AMHR2: variants seen among roughly 807,000 people sequenced by gnomAD.
AMHR2 encodes anti-Muellerian hormone type-2 receptor.
A neutral mutation model predicts 61.4 loss-of-function variants in AMHR2; 36 were observed. That is an observed-to-expected ratio of 0.59 (90% CI 0.45 to 0.77). The LOEUF is 0.77. Ranked by LOEUF, AMHR2 falls within the 30% of genes least tolerant of loss-of-function variation. AMHR2 has a pLI of 0.00. For missense variants in AMHR2, 638 were observed against 714.6 expected (o/e 0.89, Z 1.22); for synonymous variants, 258 against 279.4 (o/e 0.92, Z 0.76).
rs1939928256 is a variant in AMHR2 at position 53,429,533 on chromosome 12, G to A, written c.1048G>A (p.Gly350Arg). ...TCGGGAAGATGGATCGTGTGCCATT[G>A]GAGACCTGGGCCTTGCCTTGGTGCT... is the stretch of plus-strand genomic sequence containing the variant. ...LIREDGSCAI[G>R]DLGLALVLPG... Residue 350 changes from glycine to arginine, a missense_variant, in exon 8 of 11, where the codon GGA (glycine) becomes AGA (arginine). Coordinates refer to ENST00000257863, the MANE Select transcript of AMHR2 (RefSeq NM_020547.3). 1 of 1,613,310 alleles carries A rather than the reference G, an allele frequency of 6.2e-7. No individual in the cohort carries two copies. Among genetic ancestry groups the A allele is most frequent in the African/African-American group, 1.3e-5 (1 of 74,668 alleles).
Position 53,424,430 on chromosome 12 carries a change from C to G in AMHR2, c.192C>G (p.Ile64Met). The G allele has an allele frequency of 6.2e-7, 1 of 1,613,684 alleles. No individual in the cohort carries two copies. The highest frequency in any genetic ancestry group is 8.5e-7 in the Non-Finnish European group (1 of 1,179,904). The stretch of plus-strand genomic sequence containing the variant: ...TCTACAGCCGCTGCTGCTTTGGGAT[C>G]TGGAACCTGACCCAAGACCGGGCAC... ...RCLYSRCCFGIWNLTQDRAQV... is the reference protein window; with the variant it reads ...RCLYSRCCFGMWNLTQDRAQV... The change falls in exon 2 of 11, where the codon ATC becomes ATG. Residue 64 changes from isoleucine to methionine, a missense_variant. Ile to Met is a conservative substitution (Grantham distance 10, BLOSUM62 1). Transcript: ENST00000257863.
chr12:53,425,332 T>G (rs1939466407), intron 4 of AMHR2, 90 bp downstream of exon 4: 1 of 1,606,186 alleles, frequency 6.2e-7, no homozygotes, highest in African/African-American at 1.3e-5. Context: ...CCCCATGGTC[T>G]TGGGATCTCT....
In AMHR2 at chr12:53,428,950, C is replaced by T. The variant is rs371318635; in HGVS notation, c.907C>T (p.Arg303Trp). Residue 303 changes from arginine to tryptophan, a missense_variant, in exon 7 of 11, where the codon CGG becomes TGG. Arg to Trp is a moderately radical substitution (Grantham distance 101). Coordinates refer to ENST00000257863, the MANE Select transcript of AMHR2 (RefSeq NM_020547.3). ...QYTSDWGSSLRMALSLAQGLA... is the reference protein window; with the variant it reads ...QYTSDWGSSLWMALSLAQGLA... Reference sequence around the variant, plus strand: ...CACCAGTGACTGGGGAAGTTCCCTGCGGATGGCACTGTCCCTGGCCCAGGG... The same window carrying T: ...CACCAGTGACTGGGGAAGTTCCCTGTGGATGGCACTGTCCCTGGCCCAGGG... The T allele has an allele frequency of 3.2e-5, 49 of 1,551,660 alleles. No homozygotes were observed. In the Admixed American group the frequency reaches 4.1e-4, roughly 13 times the overall value.
chr12:53,428,987 T>C lies in AMHR2; in HGVS notation c.944T>C (p.Leu315Pro). 6.4e-7 allele frequency: 1 copy of C among 1,551,386 alleles called. No homozygotes were observed. Among genetic ancestry groups the C allele is most frequent in the Non-Finnish European group, 8.7e-7 (1 of 1,147,002 alleles). ...ALSLAQGLAF[L>P]HEERWQNGQY... ...TCCCTGGCCCAGGGCCTGGCATTTC[T>C]CCATGAGGAGCGCTGGCAGAATGGT... is the stretch of plus-strand genomic sequence containing the variant. Residue 315 changes from leucine (L) to proline (P), a missense_variant, in exon 7 of 11, where the codon CTC becomes CCC. Transcript: ENST00000257863.
In AMHR2 at chr12:53,430,332, C is replaced by G. The variant is rs775862555; in HGVS notation, c.1425+50C>G. On this transcript the variant is annotated intron_variant, in intron 10 of 10. Transcript: ENST00000257863. ...GGGAACCTGGAGAGTGGGGGCTGGG[C>G]ATGGGCTTCAAGGACGTCTCTGCCA... is the stretch of plus-strand genomic sequence containing the variant. 4 of 1,613,672 alleles carry G rather than the reference C, an allele frequency of 2.5e-6. No individual in the cohort carries two copies. In the African/African-American group the frequency reaches 5.3e-5, roughly 22 times the overall value.
Position 53,431,555 on chromosome 12 carries a change from A to G in AMHR2, c.*82A>G. On this transcript the variant is annotated 3_prime_UTR_variant, in exon 11 of 11. Transcript: ENST00000257863. ...GCTGTCTTGTCTGCCTCATCACTGC[A>G]TTTCCCACCTGCCGAATCCTTGGAT... 1.9e-6 allele frequency: 3 copies of G among 1,559,910 alleles called. No individual in the cohort carries two copies. The highest frequency in any genetic ancestry group is 2.2e-5 in the South Asian group (2 of 89,440).
rs1939496428 is a variant in AMHR2 at position 53,425,538 on chromosome 12, G to A, written c.586G>A (p.Glu196Lys). 6.2e-7 allele frequency: 1 copy of A among 1,613,932 alleles called. No individual in the cohort carries two copies. Among genetic ancestry groups the A allele is most frequent in the Non-Finnish European group, 8.5e-7 (1 of 1,180,048 alleles). The change falls in exon 5 of 11, where the codon GAG becomes AAG. Residue 196 changes from glutamate to lysine, a missense_variant. Coordinates refer to ENST00000257863, the MANE Select transcript of AMHR2 (RefSeq NM_020547.3). ...RPDSGRDWSV[E>K]LQELPELCFS... ...AGACTCAGGCAGGGACTGGAGTGTG[G>A]AGCTGCAGGAGCTGCCTGAGCTGTG...
At chr12:53,427,001 A>T (rs1003743400) in intron 6 of AMHR2, among the ~76,000 whole-genome samples, 1 of 151,660 alleles carries the variant, frequency 6.6e-6, no homozygotes, top group Non-Finnish European at 1.5e-5. Flanking sequence ...AAAAAAAAAA[A>T]TTGTTAAAGA....
rs1592611342 is a variant in AMHR2, at chr12:53,431,577, G to C, written c.*104G>C. 2 of 1,468,116 alleles carry C rather than the reference G, an allele frequency of 1.4e-6. No homozygotes were observed. The highest frequency in any genetic ancestry group is 4.6e-5 in the East Asian group (2 of 43,906). 90.9% of individuals were successfully genotyped at this position (1,468,116 alleles called of 1,614,324 possible). A position where few individuals can be genotyped will look rare whatever the true frequency, so the allele number is the denominator to read the frequency against. The stretch of plus-strand genomic sequence containing the variant: ...TGCATTTCCCACCTGCCGAATCCTT[G>C]GATTCTTCTGCGGGCATCCAGTCCA... On this transcript the variant is annotated 3_prime_UTR_variant, in exon 11 of 11. Coordinates refer to ENST00000257863, the MANE Select transcript of AMHR2 (RefSeq NM_020547.3).
chr12:53,424,320 G>C lies in AMHR2; in HGVS notation c.82G>C (p.Glu28Gln), dbSNP rs770462062. ...PPNRRTCVFF[E>Q]APGVRGSTKT... ...AAACAGGCGAACCTGTGTGTTCTTT[G>C]AGGCCCCTGGAGTGCGGGGAAGCAC... The change falls in exon 2 of 11, where the codon GAG becomes CAG. Residue 28 changes from glutamate to glutamine, a missense_variant. By Grantham distance (29) the Glu-to-Gln change is conservative. Coordinates refer to ENST00000257863, the MANE Select transcript of AMHR2 (RefSeq NM_020547.3). 1.9e-6 allele frequency: 3 copies of C among 1,612,802 alleles called. No individual in the cohort carries two copies. The South Asian group carries it at 3.3e-5, about 18-fold the overall frequency.
At chr12:53,429,075 T>C in intron 7 of AMHR2, 65 bp downstream of exon 7, 1 of 1,397,106 alleles carries the variant, frequency 7.2e-7, no homozygotes, top group Non-Finnish European at 9.9e-7. Flanking sequence ...CTGCCTTAGT[T>C]TGGAGGGGAA....
At position 53,429,930 on chromosome 12, in the gene AMHR2, G is replaced by T. The variant is rs752784039; in HGVS notation, c.1240G>T (p.Ala414Ser). 3.1e-6 allele frequency: 5 copies of T among 1,614,184 alleles called. No individual in the cohort carries two copies. The highest frequency in any genetic ancestry group is 4.2e-6 in the Non-Finnish European group (5 of 1,180,040). Residue 414 changes from alanine (A) to serine (S), a missense_variant, in exon 9 of 11, where the codon GCT becomes TCT. Coordinates refer to ENST00000257863, the MANE Select transcript of AMHR2 (RefSeq NM_020547.3). ...ALRRADIYSL[A>S]LLLWEILSRC... ...CCGACGAGCTGATATTTACTCTTTG[G>T]CTCTGCTCCTGTGGGAGATACTGAG... is the stretch of plus-strand genomic sequence containing the variant.
At position 53,431,636 on chromosome 12, in the gene AMHR2, G is replaced by A; in HGVS notation, c.*163G>A. On this transcript the variant is annotated 3_prime_UTR_variant, in exon 11 of 11. Transcript: ENST00000257863. Reference sequence around the variant, plus strand: ...CTGACCAGTGACTTGGGGTAGGTGTGCACAGGAAAGAGAATAAAGTCAGCT... The same window carrying A: ...CTGACCAGTGACTTGGGGTAGGTGTACACAGGAAAGAGAATAAAGTCAGCT... 1 of 855,826 alleles carries A rather than the reference G, an allele frequency of 1.2e-6. No individual in the cohort carries two copies. Among genetic ancestry groups the A allele is most frequent in the East Asian group, 2.6e-5 (1 of 37,926 alleles). 53.0% of individuals were successfully genotyped at this position (855,826 alleles called of 1,614,324 possible).
intron 6 of AMHR2, among the ~76,000 whole-genome samples, chr12:53,427,200 G>A (rs1279540464): frequency 6.6e-6 from 1 of 152,072 alleles, no homozygotes; most frequent in African/African-American, 2.4e-5. Flanking sequence ...TGTGCTAAGT[G>A]CTAGGAGAGA....
chr12:53,424,450 G>A lies in AMHR2; in HGVS notation c.212G>A (p.Arg71Gln), dbSNP rs767061692. The A allele has an allele frequency of 6.2e-6, 10 of 1,613,098 alleles. No homozygotes were observed. Among genetic ancestry groups the A allele is most frequent in the Middle Eastern group, 1.7e-4 (1 of 5,990 alleles). ...CFGIWNLTQD[R>Q]AQVEMQGCRD... ...GGGATCTGGAACCTGACCCAAGACC[G>A]GGCACAGGTGGAAATGCAAGGTGAA... Residue 71 changes from arginine (R) to glutamine (Q), a missense_variant, in exon 2 of 11, where the codon CGG becomes CAG. By Grantham distance (43) the Arg-to-Gln change is conservative (BLOSUM62 1). Coordinates refer to ENST00000257863, the MANE Select transcript of AMHR2 (RefSeq NM_020547.3).
Position 53,425,848 on chromosome 12 carries a change from A to C in AMHR2, c.781A>C (p.Ile261Leu). 6.2e-7 allele frequency: 1 copy of C among 1,614,018 alleles called. No individual in the cohort carries two copies. Among genetic ancestry groups the C allele is most frequent in the Non-Finnish European group, 8.5e-7 (1 of 1,179,992 alleles). ...ACAGCACGACCACATTGTCCGATTT[A>C]TCACTGCCAGCCGGGGGGGTCCTGG... Reference protein sequence around the residue: ...GLQHDHIVRFITASRGGPGRL... With the variant: ...GLQHDHIVRFLTASRGGPGRL... Residue 261 changes from isoleucine (I) to leucine (L), a missense_variant, in exon 6 of 11, where the codon ATC (isoleucine) becomes CTC (leucine). By Grantham distance (5) the Ile-to-Leu change is conservative. Coordinates refer to ENST00000257863, the MANE Select transcript of AMHR2 (RefSeq NM_020547.3).
At chr12:53,426,188 A>G (rs138484988) in intron 6 of AMHR2, among the ~76,000 whole-genome samples, 1 of 152,096 alleles carries the variant, frequency 6.6e-6, no homozygotes, top group African/African-American at 2.4e-5. Flanking sequence ...AAATTAGCTC[A>G]GCATGGCAGT....
At position 53,425,783 on chromosome 12, in the gene AMHR2, A is replaced by G; in HGVS notation, c.716A>G (p.Gln239Arg). The change falls in exon 6 of 11, where the codon CAG (glutamine) becomes CGG (arginine). Residue 239 changes from glutamine to arginine, a missense_variant. Transcript: ENST00000257863. ...IKAFPPRSVA[Q>R]FQAERALYEL... The stretch of plus-strand genomic sequence containing the variant: ...GCCTTCCCACCGAGGTCTGTGGCTC[A>G]GTTCCAAGCTGAGAGAGCATTGTAC... 6.2e-7 allele frequency: 1 copy of G among 1,614,182 alleles called. No homozygotes were observed. Among genetic ancestry groups the G allele is most frequent in the Non-Finnish European group, 8.5e-7 (1 of 1,180,024 alleles).
chr12:53,424,071 G>A (rs777936863), intron 1 of AMHR2, 88 bp downstream of exon 1: 144 of 1,512,160 alleles, frequency 9.5e-5, no homozygotes, highest in Admixed American at 4.9e-4. Flanking sequence ...CTTTGGAAGA[G>A]TGGTGAGTGG....
Sources: gnomAD v4.1 joint callset for allele counts (sites outside exome capture counted in the v4.1 genomes callset) on GRCh38, gnomAD v4.1.1 for gene constraint, MANE v1.5 for transcripts, NCBI Gene and HGNC (gene_info 2026-07-23, HGNC 2026-07-21) for gene names.